Variants in SPTBN4 observed in about 807,000 individuals in gnomAD.
SPTBN4 encodes the protein spectrin beta chain, non-erythrocytic 4.
A neutral mutation model predicts 277.8 loss-of-function variants in SPTBN4; 96 were observed. That is an observed-to-expected ratio of 0.35 (90% CI 0.29 to 0.41). The LOEUF (loss-of-function observed/expected upper bound fraction) is 0.41. Ranked by LOEUF, SPTBN4 falls within the 10% of genes least tolerant of loss-of-function variation. The pLI, the probability that SPTBN4 is intolerant of heterozygous loss-of-function variation, is 1.00. For synonymous variants in SPTBN4, 1,481 were observed against 1,580.3 expected, an observed-to-expected ratio of 0.94 and a Z score of 1.49; for missense variants, 3,006 against 3,595.7, an observed-to-expected ratio of 0.84 and a Z score of 4.19.
At chr19:40,489,471 C>A (rs1233596267) in intron 3 of SPTBN4, among the ~76,000 whole-genome samples, 1 of 152,028 alleles carries the variant, frequency 6.6e-6, no homozygotes. Context: ...ACAGCAGCCT[C>A]CGCTTCCCGG....
At chr19:40,511,045 A>G (rs1013808975) in intron 13 of SPTBN4, among the ~76,000 whole-genome samples, 1 of 151,688 alleles carries the variant, frequency 6.6e-6, no homozygotes, top group Admixed American at 6.6e-5. Flanking sequence ...AAATAAACAC[A>G]CTTACCTCAT....
intron 7 of SPTBN4, 96 bp from the exon 8 acceptor site, chr19:40,501,825 C>A (rs1489132419): frequency 2.0e-6 from 2 of 978,086 alleles, no homozygotes; most frequent in Non-Finnish European, 3.2e-6. Context: ...GGTCACACAG[C>A]TAGTGAGAGT....
rs373142266 is a variant in SPTBN4 at position 40,487,807 on chromosome 19, G to A, written c.280G>A (p.Val94Met). 9 of 1,610,960 alleles carry A rather than the reference G, an allele frequency of 5.6e-6. No individual in the cohort carries two copies. In the African/African-American group the frequency reaches 1.1e-4, roughly 19 times the overall value. ...DLYVDLRDGF[V>M]LTRLLEVLSG... The stretch of plus-strand genomic sequence containing the variant: ...CTATGTGGACCTCCGGGACGGCTTC[G>A]TGCTCACGCGGCTCCTGGAAGTGCT... Residue 94 changes from valine to methionine, a missense_variant, in exon 3 of 36, where the codon GTG (valine) becomes ATG (methionine). Val to Met is a conservative substitution (Grantham distance 21). This residue lies in a region of SPTBN4 where 114 missense variants were observed against 196.1 expected (regional missense o/e 0.58). Coordinates refer to ENST00000598249, the MANE Select transcript of SPTBN4 (RefSeq NM_020971.3).
intron 30 of SPTBN4, among the ~76,000 whole-genome samples, chr19:40,566,817 T>C (rs929319986): frequency 2.0e-5 from 3 of 151,514 alleles, no homozygotes; most frequent in Non-Finnish European, 4.4e-5. Context: ...ATGCAAAAAT[T>C]AGCTGGGCGT....
At chr19:40,548,940 G>A (rs1469794513) in intron 20 of SPTBN4, among the ~76,000 whole-genome samples, 1 of 152,216 alleles carries the variant, frequency 6.6e-6, no homozygotes, top group Admixed American at 6.5e-5. Flanking sequence ...TACTCCAGCT[G>A]AAATCTGATT....
rs1276576333 is a variant in SPTBN4 at position 40,519,435 on chromosome 19, A to C, written c.2938A>C (p.Lys980Gln). 3 of 1,599,730 alleles carry C rather than the reference A, an allele frequency of 1.9e-6. No homozygotes were observed. The Admixed American group carries it at 5.2e-5, about 28-fold the overall frequency. Reference protein sequence around the residue: ...NRIVELVEQRKEEMSAVLLVE... With the variant: ...NRIVELVEQRQEEMSAVLLVE... The stretch of plus-strand genomic sequence containing the variant: ...CATCGTGGAGCTAGTGGAACAGCGC[A>C]AAGAGGAAATGAGCGCGGTGCTGCT... The change falls in exon 16 of 36, where the codon AAA (lysine) becomes CAA (glutamine). Residue 980 changes from lysine (K) to glutamine (Q), a missense_variant. Physicochemically the swap from Lys to Gln is moderately conservative, Grantham distance 53. Coordinates refer to ENST00000598249, the MANE Select transcript of SPTBN4 (RefSeq NM_020971.3). This position sits in a 1 kb window ranked among gnomAD's most constrained non-coding sequence, Gnocchi z 5.7.
chr19:40,513,214 C>A lies in SPTBN4; in HGVS notation c.2425C>A (p.Arg809Ser). ...CTTCGGCCACGACGAAGCTTCCAGCCGCCGCCTGGCGCGCCAGCACCGCGC... is the reference window on the plus strand; with the variant it reads ...CTTCGGCCACGACGAAGCTTCCAGCAGCCGCCTGGCGCGCCAGCACCGCGC... ...GDFGHDEASS[R>S]RLARQHRALT... Residue 809 changes from arginine (R) to serine (S), a missense_variant, in exon 14 of 36, where the codon CGC becomes AGC. Around this residue, in one of 5 missense-constraint regions of SPTBN4, gnomAD observed 1,759 missense variants for 2,061.5 expected, o/e 0.85. Transcript: ENST00000598249. The A allele has an allele frequency of 2.7e-6, 4 of 1,504,528 alleles. No individual in the cohort carries two copies. The South Asian group carries it at 4.9e-5, about 19-fold the overall frequency. 93.2% of individuals were successfully genotyped at this position (1,504,528 alleles called of 1,614,324 possible). A position where few individuals can be genotyped will look rare whatever the true frequency, so the allele number is the denominator to read the frequency against.
rs752327941 is a variant in SPTBN4 at position 40,560,345 on chromosome 19, G to T, written c.5857G>T (p.Asp1953Tyr). 1.2e-6 allele frequency: 2 copies of T among 1,614,086 alleles called. No homozygotes were observed. The highest frequency in any genetic ancestry group is 1.7e-6 in the Non-Finnish European group (2 of 1,180,028). ...CCTGCGCTTCCACAGCCAAGTCCGC[G>T]ACCTGCTCTCCTGGATGGATGGCAT... ...DALRFHSQVR[D>Y]LLSWMDGIAS... Residue 1953 changes from aspartate to tyrosine, a missense_variant, in exon 27 of 36, where the codon GAC becomes TAC. Around this residue, in one of 5 missense-constraint regions of SPTBN4, gnomAD observed 425 missense variants for 594.7 expected, o/e 0.71. Coordinates refer to ENST00000598249, the MANE Select transcript of SPTBN4 (RefSeq NM_020971.3). The surrounding 1 kb of genome is among the most constrained non-coding windows in gnomAD (Gnocchi z 5.2).
rs814526 is a variant in SPTBN4 at position 40,502,142 on chromosome 19, A to G, written c.912A>G (p.Val304=). The G allele has an allele frequency of 0.37, 594,017 of 1,613,232 alleles. 113,859 individuals carry two copies. The highest frequency in any genetic ancestry group is 0.61 in the African/African-American group (46,038 of 74,928). The change falls in exon 9 of 36, where the codon GTA becomes GTG. Residue 304 remains valine (V), a synonymous_variant. Coordinates refer to ENST00000598249, the MANE Select transcript of SPTBN4 (RefSeq NM_020971.3). This position sits in a 1 kb window ranked among gnomAD's most constrained non-coding sequence, Gnocchi z 4.9. ...TGCTGTGTCAGGTCTTGGACCAGGT[A>G]TTGGAGGTGGGGAAGATCATAGAAC... The part of the protein sequence containing the change: ...GKRIGKVLDQ[V]LEVGKIIERY...
intron 30 of SPTBN4, among the ~76,000 whole-genome samples, chr19:40,567,394 CAGAA>C (rs1275026402): frequency 1.3e-5 from 2 of 151,924 alleles, no homozygotes; most frequent in African/African-American, 2.4e-5. Flanking sequence ...AAATGGGAGT[CAGAA>C]AGGCACGCAG....
intron 21 of SPTBN4, 132 bp downstream of exon 21, chr19:40,549,545 TTCAC>T (rs1182355934): frequency 9.1e-6 from 6 of 656,410 alleles, no homozygotes; most frequent in Non-Finnish European, 1.5e-5. Context: ...CATTCAGCCG[TTCAC>T]TCATTCATTC....
At chr19:40,514,444 C>A (rs1402446523) in intron 14 of SPTBN4, among the ~76,000 whole-genome samples, 2 of 152,146 alleles carry the variant, frequency 1.3e-5, no homozygotes, top group Non-Finnish European at 2.9e-5. Flanking sequence ...TGGAGCGGAA[C>A]AAGATTAGAC....
rs760378540 is a variant in SPTBN4 at position 40,560,119 on chromosome 19, C to T, written c.5671-40C>T. On this transcript the variant is annotated intron_variant, in intron 26 of 35. Coordinates refer to ENST00000598249, the MANE Select transcript of SPTBN4 (RefSeq NM_020971.3). This position sits in a 1 kb window ranked among gnomAD's most constrained non-coding sequence, Gnocchi z 5.2. ...GGTGGGAGGGAGGGCACAGCCTGGGCCCCGTGGAGGGCTGGCGCCCGACCT... is the reference window on the plus strand; with the variant it reads ...GGTGGGAGGGAGGGCACAGCCTGGGTCCCGTGGAGGGCTGGCGCCCGACCT... 6.5e-7 allele frequency: 1 copy of T among 1,547,108 alleles called. No individual in the cohort carries two copies. The highest frequency in any genetic ancestry group is 8.7e-7 in the Non-Finnish European group (1 of 1,153,106).
chr19:40,525,505 CA>C (rs1362560808), intron 17 of SPTBN4, among the ~76,000 whole-genome samples: 2 of 152,018 alleles, frequency 1.3e-5, no homozygotes, highest in Non-Finnish European at 2.9e-5. Flanking sequence ...ATTTCTTGAG[CA>C]CCTGCTGCAT....
Position 40,516,000 on chromosome 19 carries a change from TAC to T in SPTBN4, c.2903+553_2903+554del, listed in dbSNP as rs2080453880. On this transcript the variant is annotated intron_variant, in intron 15 of 35. Coordinates refer to ENST00000598249, the MANE Select transcript of SPTBN4 (RefSeq NM_020971.3). This position sits in a 1 kb window ranked among gnomAD's most constrained non-coding sequence, Gnocchi z 4.1. The stretch of plus-strand genomic sequence containing the variant: ...ATATATACGTATATATACACATATA[TAC>T]GTATATATACACACATATACGTATA... Among the ~76,000 whole-genome samples the T allele has an allele frequency of 2.0e-5, 3 of 147,896 alleles. No homozygotes were observed. Among genetic ancestry groups the T allele is most frequent in the Non-Finnish European group, 4.5e-5 (3 of 67,228 alleles).
chr19:40,552,455 C>CAA lies in SPTBN4; in HGVS notation c.4675-1674_4675-1673dup, dbSNP rs33935362. On this transcript the variant is annotated intron_variant, in intron 22 of 35. Transcript: ENST00000598249. ...GAGTGTCAAGAGCGAGACTCCGTCT[C>CAA]AAAAAAAAAAAAAAAAAAAGATTAA... Among the ~76,000 whole-genome samples the CAA allele has an allele frequency of 1.4e-4, 11 of 75,884 alleles. No homozygotes were observed. In the East Asian group the frequency reaches 2.1e-3, roughly 14 times the overall value. 49.8% of individuals were successfully genotyped at this position (75,884 alleles called of 152,430 possible).
chr19:40,556,085 G>A lies in SPTBN4; in HGVS notation c.5086G>A (p.Glu1696Lys), dbSNP rs756280342. 1.1e-5 allele frequency: 18 copies of A among 1,609,884 alleles called. 1 individual carries two copies. Among genetic ancestry groups the A allele is most frequent in the South Asian group, 3.3e-5 (3 of 90,742 alleles). Reference protein sequence around the residue: ...ALLEMGHPDSEQISRRQSQVD... With the variant: ...ALLEMGHPDSKQISRRQSQVD... Reference sequence around the variant, plus strand: ...CTGCCCCTCCATGTCCCCCTTCAGCGAGCAGATCAGCCGGCGGCAGTCTCA... The same window carrying A: ...CTGCCCCTCCATGTCCCCCTTCAGCAAGCAGATCAGCCGGCGGCAGTCTCA... Residue 1696 changes from glutamate to lysine, a missense_variant and splice_region_variant, in exon 25 of 36, where the codon GAG becomes AAG. Glu to Lys is a moderately conservative substitution (Grantham distance 56). Coordinates refer to ENST00000598249, the MANE Select transcript of SPTBN4 (RefSeq NM_020971.3).
rs1475135828 is a variant in SPTBN4 at position 40,570,612 on chromosome 19, C to T, written c.7203C>T (p.Ala2401=). 8 of 1,419,020 alleles carry T rather than the reference C, an allele frequency of 5.6e-6. No homozygotes were observed. The highest frequency in any genetic ancestry group is 3.0e-5 in the East Asian group (1 of 33,110). The allele number at this position is 1,419,020 out of a possible 1,614,324, so 87.9% of individuals were successfully genotyped here. ...EGGGSRRSRS[A]PAQGGSAPAP... Reference sequence around the variant, plus strand: ...GGGGAAGCCGGCGCTCGCGCTCCGCCCCGGCCCAGGGCGGCTCCGCCCCCG... The same window carrying T: ...GGGGAAGCCGGCGCTCGCGCTCCGCTCCGGCCCAGGGCGGCTCCGCCCCCG... The change falls in exon 33 of 36, where the codon GCC becomes GCT. Residue 2401 remains alanine, a synonymous_variant. Transcript: ENST00000598249.
intron 22 of SPTBN4, among the ~76,000 whole-genome samples, chr19:40,550,659 C>T (rs2145925383): frequency 6.6e-6 from 1 of 151,828 alleles, no homozygotes; most frequent in South Asian, 2.1e-4. Flanking sequence ...TGCACCACCA[C>T]ACCTGGCTAA....
Sources: allele counts gnomAD v4.1 joint callset (sites outside exome capture counted in the v4.1 genomes callset), GRCh38; gene constraint gnomAD v4.1.1; regional missense constraint gnomAD v4.1.1; non-coding constraint Gnocchi (gnomAD v3.1); transcripts MANE v1.5; gene names NCBI Gene and HGNC (gene_info 2026-07-23, HGNC 2026-07-21).